HSD17B2: variants seen among roughly 807,000 people sequenced by gnomAD.
The protein encoded by HSD17B2 is hydroxysteroid 17-beta dehydrogenase 2.
HSD17B2 carries 32 observed loss-of-function variants against 26.9 expected under a neutral mutation model. That is an observed-to-expected ratio of 1.19 (90% CI 0.90 to 1.60). HSD17B2 has a LOEUF of 1.60. HSD17B2 is among the 40% of genes most tolerant of loss of function. HSD17B2 has a pLI of 0.00. For synonymous variants in HSD17B2, 246 were observed against 186.7 expected (o/e 1.32, Z -2.59); for missense variants, 613 against 468.6 (o/e 1.31, Z -2.85).
intron 3 of HSD17B2, among the ~76,000 whole-genome samples, chr16:82,079,926 T>A (rs1288137766): frequency 1.3e-5 from 2 of 152,200 alleles, no homozygotes; most frequent in African/African-American, 4.8e-5. Context: ...TATTTTCATT[T>A]TGAAGCAAGG....
In HSD17B2 at chr16:82,077,019, G is replaced by A. The variant is rs539053891; in HGVS notation, c.664+5892G>A. On this transcript the variant is annotated intron_variant, in intron 3 of 4. Transcript: ENST00000199936. The stretch of plus-strand genomic sequence containing the variant: ...AATATTGATGAAAGAAATTGAAGAG[G>A]ACACAAAAGATTGAAAGATATTCCA... 2.8e-4 allele frequency among the ~76,000 whole-genome samples: 42 copies of A among 152,206 alleles called. No homozygotes were observed. In the South Asian group the frequency reaches 8.5e-3, roughly 31 times the overall value.
chr16:82,057,572 G>A (rs1914309075), intron 1 of HSD17B2, among the ~76,000 whole-genome samples: 1 of 152,192 alleles, frequency 6.6e-6, no homozygotes, highest in African/African-American at 2.4e-5. Flanking sequence ...AGGGGAAAAA[G>A]CAACTGTGCA....
chr16:82,044,825 C>T (rs1031686464), intron 1 of HSD17B2, among the ~76,000 whole-genome samples: 3 of 152,052 alleles, frequency 2.0e-5, no homozygotes, highest in African/African-American at 7.2e-5. Context: ...GTCCAGAAAA[C>T]CAACACTTCT....
intron 1 of HSD17B2, among the ~76,000 whole-genome samples, chr16:82,039,909 C>G (rs1913724381): frequency 6.6e-6 from 1 of 152,090 alleles, no homozygotes; most frequent in Non-Finnish European, 1.5e-5. Flanking sequence ...AAAGCGGATC[C>G]CAGGCAGACA....
chr16:82,035,437 T>C lies in HSD17B2; in HGVS notation c.13T>C (p.Phe5Leu), dbSNP rs749115106. 1 of 1,611,628 alleles carries C rather than the reference T, an allele frequency of 6.2e-7. No homozygotes were observed. The highest frequency in any genetic ancestry group is 1.3e-5 in the African/African-American group (1 of 74,974). Residue 5 changes from phenylalanine (F) to leucine (L), a missense_variant, in exon 1 of 5, where the codon TTC becomes CTC. Transcript: ENST00000199936. Reference sequence around the variant, plus strand: ...CAAGTCACTGAGAATGAGCACTTTCTTCTCGGACACAGCATGGATCTGCCT... The same window carrying C: ...CAAGTCACTGAGAATGAGCACTTTCCTCTCGGACACAGCATGGATCTGCCT... MSTF[F>L]SDTAWICLAV...
At chr16:82,075,841 G>A (rs1040849897) in intron 3 of HSD17B2, among the ~76,000 whole-genome samples, 1 of 151,242 alleles carries the variant, frequency 6.6e-6, no homozygotes, top group Non-Finnish European at 1.5e-5. Flanking sequence ...TAATGGTGGA[G>A]GGAATACTTC....
intron 3 of HSD17B2, 86 bp downstream of exon 3, chr16:82,071,213 G>A (rs1292233713): frequency 1.5e-6 from 2 of 1,335,402 alleles, no homozygotes; most frequent in Admixed American, 1.7e-5. Context: ...CAAAAATGCA[G>A]GGCATGCAAA....
chr16:82,036,816 T>C (rs1913638683), intron 1 of HSD17B2, among the ~76,000 whole-genome samples: 1 of 152,198 alleles, frequency 6.6e-6, no homozygotes, highest in South Asian at 2.1e-4. Flanking sequence ...TGGAATCATG[T>C]ATCTGGGAGT....
At chr16:82,083,678 G>T (rs1904442117) in intron 3 of HSD17B2, among the ~76,000 whole-genome samples, 1 of 152,126 alleles carries the variant, frequency 6.6e-6, no homozygotes, top group Admixed American at 6.6e-5. Flanking sequence ...TCTGCCAGCT[G>T]CTGGTATCAC....
intron 3 of HSD17B2, among the ~76,000 whole-genome samples, chr16:82,077,687 C>A (rs1423569577): frequency 1.3e-5 from 2 of 151,214 alleles, no homozygotes; most frequent in South Asian, 2.1e-4. Flanking sequence ...ACTGTGATCA[C>A]ACCATTGCAC....
chr16:82,037,251 T>G (rs1367853663), intron 1 of HSD17B2, among the ~76,000 whole-genome samples: 2 of 152,256 alleles, frequency 1.3e-5, no homozygotes, highest in Non-Finnish European at 2.9e-5. Flanking sequence ...GAAATGTCAC[T>G]TTCACGTTCT....
chr16:82,075,914 A>AG (rs1378108566), intron 3 of HSD17B2, among the ~76,000 whole-genome samples: 1 of 151,340 alleles, frequency 6.6e-6, no homozygotes, highest in Non-Finnish European at 1.5e-5. Flanking sequence ...ATGTTAAAAA[A>AG]AAAAAAAAAA....
At chr16:82,053,440 ATTAT>A (rs562219443) in intron 1 of HSD17B2, among the ~76,000 whole-genome samples, 11 of 151,996 alleles carry the variant, frequency 7.2e-5, no homozygotes, top group East Asian at 3.9e-4. Flanking sequence ...TTTATTTATT[ATTAT>A]TTATTTATTT....
intron 2 of HSD17B2, among the ~76,000 whole-genome samples, chr16:82,070,267 C>T (rs1412560329): frequency 6.6e-6 from 1 of 152,178 alleles, no homozygotes; most frequent in Non-Finnish European, 1.5e-5. Context: ...TCAGCTTATC[C>T]TCAGTGCCTG....
At chr16:82,070,593 G>T (rs186830739) in intron 2 of HSD17B2, among the ~76,000 whole-genome samples, 3 of 152,344 alleles carry the variant, frequency 2.0e-5, no homozygotes, top group Admixed American at 2.0e-4. Context: ...CCCTATCAGT[G>T]GTTCCCTATC....
At chr16:82,080,188 G>A (rs1165231465) in intron 3 of HSD17B2, among the ~76,000 whole-genome samples, 2 of 152,210 alleles carry the variant, frequency 1.3e-5, no homozygotes, top group Non-Finnish European at 2.9e-5. Flanking sequence ...GCTGTTGTGA[G>A]TAGGCAGCTG....
At chr16:82,060,681 G>C (rs1166755171) in intron 1 of HSD17B2, among the ~76,000 whole-genome samples, 1 of 152,220 alleles carries the variant, frequency 6.6e-6, no homozygotes, top group East Asian at 1.9e-4. Context: ...TAAGAAGTGA[G>C]ATTCCACTAT....
intron 2 of HSD17B2, among the ~76,000 whole-genome samples, chr16:82,069,270 T>A (rs1162007945): frequency 6.6e-6 from 1 of 152,246 alleles, no homozygotes; most frequent in Admixed American, 6.5e-5. Flanking sequence ...CTGCATAGTA[T>A]TCCATGGTGT....
intron 1 of HSD17B2, among the ~76,000 whole-genome samples, chr16:82,065,703 G>A (rs950362972): frequency 6.6e-6 from 1 of 152,194 alleles, no homozygotes; most frequent in African/African-American, 2.4e-5. Context: ...CCTGGGATTA[G>A]CTTGCCCAAA....
Sources: allele counts gnomAD v4.1 joint callset (sites outside exome capture counted in the v4.1 genomes callset), GRCh38; gene constraint gnomAD v4.1.1; transcripts MANE v1.5; gene names NCBI Gene and HGNC (gene_info 2026-07-23, HGNC 2026-07-21).